The following CSMD3 variants were observed in gnomAD, a reference collection of about 807,000 sequenced individuals.
CSMD3 encodes CUB and Sushi multiple domains 3.
A neutral mutation model predicts 435.2 loss-of-function variants in CSMD3; 177 were observed. That is an observed-to-expected ratio of 0.41 (90% CI 0.36 to 0.46). CSMD3 has a LOEUF of 0.46. CSMD3 is among the 20% of genes least tolerant of loss of function. CSMD3 has a pLI of 0.34. For synonymous variants in CSMD3, 1,656 were observed against 1,520.5 expected, an observed-to-expected ratio of 1.09 and a Z score of -2.07; for missense variants, 4,265 against 4,504.6, an observed-to-expected ratio of 0.95 and a Z score of 1.52.
At chr8:112,845,831 C>T (rs2080302172) in intron 11 of CSMD3, among the ~76,000 whole-genome samples, 1 of 151,826 alleles carries the variant, frequency 6.6e-6, no homozygotes, top group Non-Finnish European at 1.5e-5. Flanking sequence ...ATAATGAAGT[C>T]ATTGGACTTT....
chr8:112,448,613 T>A (rs1281131900), intron 32 of CSMD3, among the ~76,000 whole-genome samples: 2 of 152,172 alleles, frequency 1.3e-5, no homozygotes, highest in African/African-American at 4.8e-5. Context: ...ATGGTCCAGA[T>A]GATACATTGA....
chr8:113,420,719 G>A (rs1338290223), intron 1 of CSMD3, among the ~76,000 whole-genome samples: 7 of 151,888 alleles, frequency 4.6e-5, no homozygotes, highest in East Asian at 1.9e-4. Flanking sequence ...AGGCGGAGGC[G>A]GATGGATCAC....
At chr8:113,308,176 T>A (rs1049703152) in intron 2 of CSMD3, among the ~76,000 whole-genome samples, 28 of 151,706 alleles carry the variant, frequency 1.8e-4, no homozygotes, top group Non-Finnish European at 3.8e-4. Flanking sequence ...TTTTTCTTAA[T>A]GATGATTGAT....
chr8:112,591,297 G>T (rs1019174150), intron 22 of CSMD3, among the ~76,000 whole-genome samples: 5 of 152,052 alleles, frequency 3.3e-5, no homozygotes, highest in Admixed American at 2.0e-4. Context: ...TAGTTGGATT[G>T]AAGTGGGAAA....
At chr8:113,031,410 T>A (rs565362178) in intron 5 of CSMD3, among the ~76,000 whole-genome samples, 16 of 151,558 alleles carry the variant, frequency 1.1e-4, no homozygotes, top group Admixed American at 8.5e-4. Flanking sequence ...AAAAAGCGAA[T>A]CTCAAAAGTT....
intron 38 of CSMD3, among the ~76,000 whole-genome samples, chr8:112,368,711 T>C (rs1206520821): frequency 1.3e-5 from 2 of 152,066 alleles, no homozygotes; most frequent in Non-Finnish European, 2.9e-5. Context: ...AGGTTATAAG[T>C]AGGGATATAA....
chr8:113,131,482 C>T (rs1308309399), intron 4 of CSMD3, among the ~76,000 whole-genome samples: 1 of 152,078 alleles, frequency 6.6e-6, no homozygotes, highest in East Asian at 1.9e-4. Flanking sequence ...TTGGCAGCTT[C>T]CACGTGGTAC....
chr8:113,080,024 T>A (rs1344867739), intron 5 of CSMD3, among the ~76,000 whole-genome samples: 1 of 152,146 alleles, frequency 6.6e-6, no homozygotes, highest in Non-Finnish European at 1.5e-5. Flanking sequence ...ACCTTCTGCC[T>A]CAGTTTTTGG....
intron 4 of CSMD3, among the ~76,000 whole-genome samples, chr8:113,152,266 C>T (rs543615919): frequency 6.6e-6 from 1 of 152,046 alleles, no homozygotes; most frequent in Admixed American, 6.6e-5. Flanking sequence ...AGCAAGAGAT[C>T]TATAGCATAA....
chr8:113,400,215 G>A (rs1056417957), intron 1 of CSMD3, among the ~76,000 whole-genome samples: 1 of 151,900 alleles, frequency 6.6e-6, no homozygotes, highest in Non-Finnish European at 1.5e-5. Flanking sequence ...ATGGTATCCA[G>A]CTATAAAGTT....
intron 1 of CSMD3, among the ~76,000 whole-genome samples, chr8:113,393,420 T>C (rs1261830932): frequency 6.6e-6 from 1 of 152,110 alleles, no homozygotes; most frequent in Non-Finnish European, 1.5e-5. Flanking sequence ...ACCCACTCTT[T>C]AGACTGAAAG....
At chr8:112,654,348 T>G (rs2075204650) in intron 18 of CSMD3, among the ~76,000 whole-genome samples, 1 of 152,208 alleles carries the variant, frequency 6.6e-6, no homozygotes. Flanking sequence ...TGTTGGAGAT[T>G]ATTTCACAGG....
At chr8:112,631,470 A>G (rs771696738) in intron 22 of CSMD3, among the ~76,000 whole-genome samples, 2 of 152,036 alleles carry the variant, frequency 1.3e-5, no homozygotes, top group Non-Finnish European at 2.9e-5. Flanking sequence ...TAAGGTAATA[A>G]ATGAATGTTG....
At chr8:113,353,937 T>C (rs2094205682) in intron 1 of CSMD3, among the ~76,000 whole-genome samples, 3 of 152,218 alleles carry the variant, frequency 2.0e-5, no homozygotes, top group Admixed American at 2.0e-4. Flanking sequence ...TTTAAAGCTC[T>C]CCACTGACAT....
chr8:112,495,922 GTA>G (rs945405260), intron 30 of CSMD3, among the ~76,000 whole-genome samples: 16 of 150,326 alleles, frequency 1.1e-4, no homozygotes, highest in South Asian at 2.1e-4. Context: ...AGATGTATAT[GTA>G]TATATATATA....
intron 1 of CSMD3, among the ~76,000 whole-genome samples, chr8:113,363,058 C>T (rs917741576): frequency 6.6e-6 from 1 of 152,178 alleles, no homozygotes; most frequent in African/African-American, 2.4e-5. Flanking sequence ...AAACCCTCTC[C>T]TCAATGTGTG....
intron 54 of CSMD3, among the ~76,000 whole-genome samples, chr8:112,295,128 AT>A (rs1563751011): frequency 6.6e-6 from 1 of 152,024 alleles, no homozygotes; most frequent in African/African-American, 2.4e-5. Context: ...ATAATTTTTA[AT>A]TTTTTTCAGA....
chr8:112,377,014 G>T (rs928832038), intron 38 of CSMD3, among the ~76,000 whole-genome samples: 1 of 152,024 alleles, frequency 6.6e-6, no homozygotes, highest in Non-Finnish European at 1.5e-5. Context: ...TTTAACAGGA[G>T]AACTAATCTA....
At chr8:112,233,883 A>G (rs1285010743) in intron 68 of CSMD3, among the ~76,000 whole-genome samples, 1 of 152,166 alleles carries the variant, frequency 6.6e-6, no homozygotes, top group Non-Finnish European at 1.5e-5. Flanking sequence ...TGGACTTTAT[A>G]TATAAAATAG....
Sources: allele counts gnomAD v4.1 joint callset (sites outside exome capture counted in the v4.1 genomes callset), GRCh38; gene constraint gnomAD v4.1.1; transcripts MANE v1.5; gene names NCBI Gene and HGNC (gene_info 2026-07-23, HGNC 2026-07-21).